The following HCLS1 variants were observed in gnomAD, a reference collection of about 807,000 sequenced individuals.
HCLS1 encodes hematopoietic lineage cell-specific protein.
HCLS1 carries 44 observed loss-of-function variants against 68.6 expected under a neutral mutation model. That is an observed-to-expected ratio of 0.64 (90% CI 0.50 to 0.82). The LOEUF (loss-of-function observed/expected upper bound fraction) is 0.82. Among genes scored for constraint, HCLS1 ranks in the 40% least tolerant of loss-of-function variants. The pLI is 0.00. For missense variants in HCLS1, 602 were observed against 612.1 expected (o/e 0.98, Z 0.17); for synonymous variants, 217 against 225.8 (o/e 0.96, Z 0.35).
intron 3 of HCLS1, among the ~76,000 whole-genome samples, chr3:121,652,567 T>C (rs1399445279): frequency 1.3e-5 from 2 of 152,030 alleles, no homozygotes; most frequent in African/African-American, 2.4e-5. Flanking sequence ...GGTAGGAGAA[T>C]CACTTGAAGC....
rs535047827 is a variant in HCLS1, at chr3:121,636,166, A to G, written c.621+268T>C. ...TGGGTTAAGCAATGCCAAGAAATCA[A>G]TACAATTTCCAGTCCAATACGACCT... On this transcript the variant is annotated intron_variant, in intron 8 of 13. Coordinates refer to ENST00000314583, the MANE Select transcript of HCLS1 (RefSeq NM_005335.6). Among the ~76,000 whole-genome samples the G allele has an allele frequency of 4.6e-5, 7 of 152,310 alleles. No homozygotes were observed. In the South Asian group the frequency reaches 1.5e-3, roughly 32 times the overall value.
chr3:121,637,693 C>T (rs1233018528), intron 6 of HCLS1, among the ~76,000 whole-genome samples: 3 of 152,236 alleles, frequency 2.0e-5, no homozygotes, highest in East Asian at 3.9e-4. Flanking sequence ...CCCAGCACTT[C>T]AGGGGCCGAG....
At chr3:121,650,386 T>TA (rs1469850752) in intron 3 of HCLS1, among the ~76,000 whole-genome samples, 1 of 150,698 alleles carries the variant, frequency 6.6e-6, no homozygotes, top group African/African-American at 2.4e-5. Flanking sequence ...TTTTTTTTTT[T>TA]AAGGAGAGCA....
intron 6 of HCLS1, among the ~76,000 whole-genome samples, chr3:121,638,196 G>A (rs2049167146): frequency 6.6e-6 from 1 of 151,852 alleles, no homozygotes; most frequent in African/African-American, 2.4e-5. Flanking sequence ...TGAGTAACTG[G>A]GACCACAGGC....
intron 13 of HCLS1, 47 bp from the exon 14 acceptor site, chr3:121,632,029 C>G: frequency 6.2e-7 from 1 of 1,613,884 alleles, no homozygotes; most frequent in South Asian, 1.1e-5. Context: ...ACATGAATCT[C>G]TTTTCACATG....
intron 8 of HCLS1, 140 bp downstream of exon 8, chr3:121,636,294 C>A (rs942850459): frequency 2.1e-5 from 15 of 702,490 alleles, no homozygotes; most frequent in Non-Finnish European, 3.3e-5. Flanking sequence ...TCAGTGGGGA[C>A]TGCAGGACGC....
At chr3:121,644,771 T>G (rs768432176) in intron 5 of HCLS1, 47 bp downstream of exon 5, 3 of 1,359,436 alleles carry the variant, frequency 2.2e-6, no homozygotes, top group African/African-American at 1.4e-5. Context: ...GTGGGCAATT[T>G]TCACAGGACT....
intron 1 of HCLS1, among the ~76,000 whole-genome samples, chr3:121,658,741 T>A (rs1313387233): frequency 6.6e-6 from 1 of 152,240 alleles, no homozygotes; most frequent in Non-Finnish European, 1.5e-5. Flanking sequence ...ATGGCCTTAT[T>A]TCACTCAGGT....
chr3:121,637,133 A>C lies in HCLS1; in HGVS notation c.565+13T>G. 6.3e-7 allele frequency: 1 copy of C among 1,580,150 alleles called. No individual in the cohort carries two copies. Among genetic ancestry groups the C allele is most frequent in the Non-Finnish European group, 8.7e-7 (1 of 1,149,108 alleles). ...TGCTATCTGTGACCTTCCCCCTTCC[A>C]ACCCCAACTCACCTCTCTGGGACTC... On this transcript the variant is annotated intron_variant, in intron 7 of 13. Coordinates refer to ENST00000314583, the MANE Select transcript of HCLS1 (RefSeq NM_005335.6).
At chr3:121,660,136 C>CA (rs1937960554) in intron 1 of HCLS1, among the ~76,000 whole-genome samples, 1 of 152,192 alleles carries the variant, frequency 6.6e-6, no homozygotes. Context: ...GGGACCATCA[C>CA]AAGGGCATCA....
intron 4 of HCLS1, among the ~76,000 whole-genome samples, chr3:121,645,246 G>A (rs1369742280): frequency 6.6e-6 from 1 of 152,188 alleles, no homozygotes; most frequent in Non-Finnish European, 1.5e-5. Context: ...TGAAACAAGA[G>A]CATTGTGCAG....
chr3:121,634,338 C>G lies in HCLS1; in HGVS notation c.772G>C (p.Ala258Pro). 1 of 1,614,106 alleles carries G rather than the reference C, an allele frequency of 6.2e-7. No individual in the cohort carries two copies. The highest frequency in any genetic ancestry group is 1.1e-5 in the South Asian group (1 of 91,076). ...EKRKREEEEK[A>P]QQVARRQQER... ...TGTTGCCTCCTGGCCACCTGCTGTG[C>G]CTTCTCCTCTTCCTCTCGCTTCCTC... is the stretch of plus-strand genomic sequence containing the variant. Residue 258 changes from alanine (A) to proline (P), a missense_variant, in exon 10 of 14, where the codon GCA becomes CCA. Coordinates refer to ENST00000314583, the MANE Select transcript of HCLS1 (RefSeq NM_005335.6).
chr3:121,644,834 C>T lies in HCLS1; in HGVS notation c.383G>A (p.Arg128Lys). Residue 128 changes from arginine to lysine, a missense_variant, in exon 5 of 14, where the codon AGG (arginine) becomes AAG (lysine). Arg to Lys is a conservative substitution (Grantham distance 26, BLOSUM62 2). Transcript: ENST00000314583. ...KGFGGKYGVE[R>K]DRADKSAVGF... ...GTCACTTACCTTGTCTGCCCTGTCC[C>T]TCTCAACTCCGTACTTGCCCCCAAA... The T allele has an allele frequency of 1.2e-6, 2 of 1,613,560 alleles. No individual in the cohort carries two copies. Among genetic ancestry groups the T allele is most frequent in the Middle Eastern group, 1.6e-4 (1 of 6,062 alleles).
intron 3 of HCLS1, among the ~76,000 whole-genome samples, chr3:121,651,203 C>A: frequency 6.6e-6 from 1 of 152,026 alleles, no homozygotes; most frequent in East Asian, 1.9e-4. Context: ...TTGTAAAACA[C>A]ATATTTCACA....
intron 3 of HCLS1, among the ~76,000 whole-genome samples, chr3:121,653,196 G>A (rs1456263023): frequency 6.6e-6 from 1 of 152,136 alleles, no homozygotes; most frequent in Non-Finnish European, 1.5e-5. Context: ...CCTTGGGGAC[G>A]CTGAAAAAAC....
At chr3:121,636,779 C>G (rs2049154528) in intron 7 of HCLS1, among the ~76,000 whole-genome samples, 1 of 152,154 alleles carries the variant, frequency 6.6e-6, no homozygotes, top group East Asian at 1.9e-4. Context: ...CTTCAGCCAT[C>G]CGTATGGGTT....
chr3:121,642,942 G>T lies in HCLS1; in HGVS notation c.439C>A (p.His147Asn), dbSNP rs1224882179. The T allele has an allele frequency of 6.2e-7, 1 of 1,613,064 alleles. No homozygotes were observed. Among genetic ancestry groups the T allele is most frequent in the Non-Finnish European group, 8.5e-7 (1 of 1,179,064 alleles). ...GTGTCCTTGCCTTTCTGAGATGTGT[G>T]CTTCTCCACTTCTCCTTTATAATCA... ...GFDYKGEVEKHTSQKDYSRGF... is the reference protein window; with the variant it reads ...GFDYKGEVEKNTSQKDYSRGF... The change falls in exon 6 of 14, where the codon CAC (histidine) becomes AAC (asparagine). Residue 147 changes from histidine (H) to asparagine (N), a missense_variant. Transcript: ENST00000314583.
chr3:121,637,344 TAC>T, intron 6 of HCLS1, 88 bp from the exon 7 acceptor site: 1 of 848,918 alleles, frequency 1.2e-6, no homozygotes, highest in Admixed American at 1.8e-5. Context: ...CAGGAATGGG[TAC>T]AGAGTGTTAG....
At chr3:121,657,422 G>T in intron 2 of HCLS1, 70 bp from the exon 3 acceptor site, 1 of 1,362,400 alleles carries the variant, frequency 7.3e-7, no homozygotes, top group South Asian at 1.2e-5. Context: ...CCACCCAACT[G>T]ACACATGCCC....
Sources: gnomAD v4.1 joint callset for allele counts (sites outside exome capture counted in the v4.1 genomes callset) on GRCh38, gnomAD v4.1.1 for gene constraint, MANE v1.5 for transcripts, NCBI Gene and HGNC (gene_info 2026-07-23, HGNC 2026-07-21) for gene names.